The following TMEM260 variants were observed in gnomAD, a reference collection of about 807,000 sequenced individuals.
The protein encoded by TMEM260 is transmembrane protein 260.
TMEM260 carries 82 observed loss-of-function variants against 88.9 expected under a neutral mutation model. That is an observed-to-expected ratio of 0.92 (90% CI 0.77 to 1.11). The LOEUF (loss-of-function observed/expected upper bound fraction) is 1.11, where lower values mean the gene tolerates loss of function less well. Among genes scored for constraint, TMEM260 ranks in the 50% least tolerant of loss-of-function variants. TMEM260 has a pLI of 0.00. For missense variants in TMEM260, 902 were observed against 853.4 expected, an observed-to-expected ratio of 1.06 and a Z score of -0.71; for synonymous variants, 314 against 309.3, an observed-to-expected ratio of 1.02 and a Z score of -0.16.
chr14:56,635,855 A>G (rs1260941531), intron 14 of TMEM260, among the ~76,000 whole-genome samples: 2 of 152,054 alleles, frequency 1.3e-5, no homozygotes, highest in South Asian at 2.1e-4. Flanking sequence ...ATATATATAT[A>G]TATACTATAG....
intron 10 of TMEM260, among the ~76,000 whole-genome samples, chr14:56,619,006 C>CT (rs1221004876): frequency 6.6e-6 from 1 of 152,106 alleles, no homozygotes; most frequent in African/African-American, 2.4e-5. Context: ...CAATTTGTAT[C>CT]TTTTTCTCTT....
Position 56,606,391 on chromosome 14 carries a change from T to C in TMEM260, c.636+708T>C, listed in dbSNP as rs533144799. On this transcript the variant is annotated intron_variant, in intron 5 of 15. Transcript: ENST00000261556. ...AACTCAGCTTTACTTATCCTTTTATTATTTGTTCATTATACCCAGCTATAA... is the reference window on the plus strand; with the variant it reads ...AACTCAGCTTTACTTATCCTTTTATCATTTGTTCATTATACCCAGCTATAA... Among the ~76,000 whole-genome samples, 43 of 152,326 alleles carry C rather than the reference T, an allele frequency of 2.8e-4. No individual in the cohort carries two copies. In the Middle Eastern group the frequency reaches 0.02, roughly 72 times the overall value.
chr14:56,621,385 T>C, intron 10 of TMEM260, 146 bp from the exon 11 acceptor site: 4 of 585,342 alleles, frequency 6.8e-6, no homozygotes, highest in Non-Finnish European at 1.1e-5. Context: ...TATTCTCTCT[T>C]CAAATATACA....
downstream of TMEM260, among the ~76,000 whole-genome samples, chr14:56,651,667 A>G (rs1057369100): frequency 5.9e-5 from 9 of 152,224 alleles, no homozygotes; most frequent in Admixed American, 1.3e-4. Flanking sequence ...CAGTGATCCA[A>G]CCTCACAGAG....
At position 56,636,607 on chromosome 14, in the gene TMEM260, C is replaced by T. The variant is rs763581426; in HGVS notation, c.1869+9C>T. 2 of 1,610,014 alleles carry T rather than the reference C, an allele frequency of 1.2e-6. No individual in the cohort carries two copies. Among genetic ancestry groups the T allele is most frequent in the African/African-American group, 2.7e-5 (2 of 74,824 alleles). ...ACGCTCAAGCATATGACGTATGTTACACTTTTATATGTAGATATAGATATA... is the reference window on the plus strand; with the variant it reads ...ACGCTCAAGCATATGACGTATGTTATACTTTTATATGTAGATATAGATATA... On this transcript the variant is annotated intron_variant, in intron 15 of 15. Coordinates refer to ENST00000261556, the MANE Select transcript of TMEM260 (RefSeq NM_017799.4).
intron 8 of TMEM260, 61 bp downstream of exon 8, chr14:56,616,088 T>C: frequency 7.9e-7 from 1 of 1,261,866 alleles, no homozygotes; most frequent in Non-Finnish European, 1.2e-6. Context: ...ATTAATGTTT[T>C]CAGTATGTCG....
rs970942544 is a variant in TMEM260 at position 56,640,873 on chromosome 14, G to A, written c.1869+4275G>A. On this transcript the variant is annotated intron_variant, in intron 15 of 15. Transcript: ENST00000261556. ...ATGCACAAGCCTCAGTAGCCAATGC[G>A]ATCAACTGGAAGAAAGGGTATCAGC... Among the ~76,000 whole-genome samples, 14 of 152,162 alleles carry A rather than the reference G, an allele frequency of 9.2e-5. 1 individual carries two copies. The highest frequency in any genetic ancestry group is 2.4e-4 in the African/African-American group (10 of 41,436).
chr14:56,643,691 A>G (rs1249602481), intron 15 of TMEM260, among the ~76,000 whole-genome samples: 1 of 152,226 alleles, frequency 6.6e-6, no homozygotes, highest in African/African-American at 2.4e-5. Context: ...AATAAAGGGC[A>G]TTCGATTAGG....
chr14:56,642,854 A>G (rs558134635), intron 15 of TMEM260, among the ~76,000 whole-genome samples: 34 of 152,340 alleles, frequency 2.2e-4, no homozygotes, highest in African/African-American at 5.5e-4. Flanking sequence ...CAGAAATACA[A>G]ACTACCATCA....
chr14:56,580,946 A>G (rs1885088639), intron 1 of TMEM260, among the ~76,000 whole-genome samples: 1 of 152,196 alleles, frequency 6.6e-6, no homozygotes, highest in African/African-American at 2.4e-5. Flanking sequence ...GCAAACGTTT[A>G]TCGTCTCCCG....
At chr14:56,624,676 G>A (rs1160976138) in intron 11 of TMEM260, among the ~76,000 whole-genome samples, 1 of 152,166 alleles carries the variant, frequency 6.6e-6, no homozygotes, top group Non-Finnish European at 1.5e-5. Flanking sequence ...TCACAGTCTG[G>A]TGAGGAACAG....
Position 56,617,217 on chromosome 14 carries a change from A to G in TMEM260, c.976A>G (p.Thr326Ala). 4 of 1,602,520 alleles carry G rather than the reference A, an allele frequency of 2.5e-6. No homozygotes were observed. The South Asian group carries it at 4.5e-5, about 18-fold the overall frequency. ...GAATCCATCATTAGTATGGCTTTTT[A>G]CTGGAATGTTTTGCATTTATTCATT... ...RQNPSLVWLFTGMFCIYSLFF... is the reference protein window; with the variant it reads ...RQNPSLVWLFAGMFCIYSLFF... The change falls in exon 9 of 16, where the codon ACT becomes GCT. Residue 326 changes from threonine to alanine, a missense_variant. By Grantham distance (58) the Thr-to-Ala change is moderately conservative. Coordinates refer to ENST00000261556, the MANE Select transcript of TMEM260 (RefSeq NM_017799.4).
the TMEM260 span, among the ~76,000 whole-genome samples, chr14:56,658,801 G>A: frequency 6.6e-6 from 1 of 151,006 alleles, no homozygotes; most frequent in African/African-American, 2.5e-5. Context: ...TATGATCTCA[G>A]CTCACCGCAA....
chr14:56,612,154 A>G, intron 6 of TMEM260, 91 bp from the exon 7 acceptor site: 1 of 1,295,840 alleles, frequency 7.7e-7, no homozygotes, highest in Non-Finnish European at 1.1e-6. Context: ...TTTTAAGAAA[A>G]CCCGAATCTT....
intron 6 of TMEM260, among the ~76,000 whole-genome samples, chr14:56,610,260 A>C (rs1046355672): frequency 6.6e-6 from 1 of 151,510 alleles, no homozygotes; most frequent in Admixed American, 6.6e-5. Context: ...TGTTTGTTTG[A>C]GATGGATTCT....
At chr14:56,602,529 T>C (rs938130728) in intron 3 of TMEM260, among the ~76,000 whole-genome samples, 1 of 152,090 alleles carries the variant, frequency 6.6e-6, no homozygotes, top group Non-Finnish European at 1.5e-5. Context: ...TTTAGGAAAC[T>C]TGATGTGATG....
At chr14:56,584,357 G>A (rs1460979281) in intron 1 of TMEM260, among the ~76,000 whole-genome samples, 2 of 151,964 alleles carry the variant, frequency 1.3e-5, no homozygotes, top group African/African-American at 2.4e-5. Context: ...TAACAAATAG[G>A]CATCAAATTA....
At chr14:56,642,157 C>A (rs1226242571) in intron 15 of TMEM260, among the ~76,000 whole-genome samples, 11 of 152,240 alleles carry the variant, frequency 7.2e-5, no homozygotes, top group African/African-American at 2.6e-4. Flanking sequence ...ACGAAGCGGA[C>A]CTAATAGAGA....
chr14:56,660,148 G>A, the TMEM260 span, among the ~76,000 whole-genome samples: 1 of 152,194 alleles, frequency 6.6e-6, no homozygotes. Context: ...CCAGTAGAGG[G>A]CATAGCAGAT....
Sources: allele counts gnomAD v4.1 joint callset (sites outside exome capture counted in the v4.1 genomes callset), GRCh38; gene constraint gnomAD v4.1.1; transcripts MANE v1.5; gene names NCBI Gene and HGNC (gene_info 2026-07-23, HGNC 2026-07-21).